The following GADL1 variants were observed in gnomAD, a reference collection of about 807,000 sequenced individuals.
GADL1 encodes the protein acidic amino acid decarboxylase GADL1.
In GADL1, 71 loss-of-function variants were observed where a neutral mutation model predicts 69.5. That is an observed-to-expected ratio of 1.02 (90% CI 0.84 to 1.25). The LOEUF is 1.25. Ranked by LOEUF, GADL1 falls within the 50% of genes most tolerant of loss-of-function variation. The pLI is 0.00. For synonymous variants in GADL1, 254 were observed against 214.4 expected, an observed-to-expected ratio of 1.18 and a Z score of -1.62; for missense variants, 737 against 631.8, an observed-to-expected ratio of 1.17 and a Z score of -1.79.
chr3:30,870,628 G>A (rs1206363942), intron 1 of GADL1, among the ~76,000 whole-genome samples: 4 of 151,570 alleles, frequency 2.6e-5, no homozygotes, highest in Admixed American at 2.6e-4. Context: ...AAAGACAGAT[G>A]TGGAAATAGG....
chr3:30,845,213 TAA>T (rs947439812), intron 6 of GADL1, among the ~76,000 whole-genome samples: 6 of 152,150 alleles, frequency 3.9e-5, no homozygotes, highest in African/African-American at 1.4e-4. Flanking sequence ...AATATGGAAT[TAA>T]GTCTGGTCTA....
At chr3:30,877,571 G>T (rs908889972) in intron 1 of GADL1, among the ~76,000 whole-genome samples, 1 of 151,654 alleles carries the variant, frequency 6.6e-6, no homozygotes, top group African/African-American at 2.4e-5. Flanking sequence ...ACATTGCTTG[G>T]GTATATTTTT....
intron 12 of GADL1, among the ~76,000 whole-genome samples, chr3:30,794,223 G>C (rs1284266997): frequency 6.6e-6 from 1 of 152,180 alleles, no homozygotes; most frequent in African/African-American, 2.4e-5. Context: ...TGCAGAGATT[G>C]TGTGTCAAGG....
intron 12 of GADL1, chr3:30,798,608 G>GC (rs1459954791): frequency 6.6e-6 from 1 of 152,064 alleles, no homozygotes; most frequent in African/African-American, 2.4e-5. Context: ...TCTGCCCCTT[G>GC]CCCCTCCAAA....
At chr3:30,806,554 A>G (rs959650593) in intron 11 of GADL1, among the ~76,000 whole-genome samples, 5 of 152,198 alleles carry the variant, frequency 3.3e-5, no homozygotes, top group African/African-American at 1.2e-4. Flanking sequence ...ATGTAATGGT[A>G]AATAAAAAAG....
chr3:30,757,433 G>A (rs1024927916), intron 14 of GADL1, among the ~76,000 whole-genome samples: 3 of 152,008 alleles, frequency 2.0e-5, no homozygotes, highest in Non-Finnish European at 4.4e-5. Context: ...CATGGAAAGT[G>A]AAAAGAATTA....
chr3:30,787,324 A>G (rs1236880936), intron 12 of GADL1, among the ~76,000 whole-genome samples: 1 of 152,200 alleles, frequency 6.6e-6, no homozygotes, highest in Non-Finnish European at 1.5e-5. Context: ...TAGATGAAAT[A>G]TGGAATATGA....
rs116723228 is a variant in GADL1, at chr3:30,731,164, A to G, written c.1393-2749T>C. On this transcript the variant is annotated intron_variant, in intron 14 of 14. Coordinates refer to ENST00000282538, the MANE Select transcript of GADL1 (RefSeq NM_207359.3). ...AAGGGCCACAGACTATCAGTTTTAGAGCTTACAGCTTGCGGTTCTGTGGTT... is the reference window on the plus strand; with the variant it reads ...AAGGGCCACAGACTATCAGTTTTAGGGCTTACAGCTTGCGGTTCTGTGGTT... 4.5e-3 allele frequency among the ~76,000 whole-genome samples: 683 copies of G among 152,324 alleles called. 8 individuals carry two copies. The highest frequency in any genetic ancestry group is 0.016 in the African/African-American group (657 of 41,574).
intron 14 of GADL1, among the ~76,000 whole-genome samples, chr3:30,765,731 A>G (rs1354061425): frequency 1.3e-5 from 2 of 152,218 alleles, no homozygotes; most frequent in Non-Finnish European, 2.9e-5. Flanking sequence ...TTGAAACTCA[A>G]ATATGACCCT....
chr3:30,882,469 G>A (rs1698656204), intron 1 of GADL1, among the ~76,000 whole-genome samples: 1 of 151,886 alleles, frequency 6.6e-6, no homozygotes, highest in African/African-American at 2.4e-5. Flanking sequence ...TCTGCATAAT[G>A]TGATGAAGGT....
intron 1 of GADL1, among the ~76,000 whole-genome samples, chr3:30,862,601 A>G (rs576763471): frequency 6.6e-6 from 1 of 152,144 alleles, no homozygotes; most frequent in South Asian, 2.1e-4. Context: ...CTCAAGGAAG[A>G]GATAATGCAT....
At chr3:30,755,688 G>A (rs1006824488) in intron 14 of GADL1, among the ~76,000 whole-genome samples, 2 of 152,130 alleles carry the variant, frequency 1.3e-5, no homozygotes, top group African/African-American at 4.8e-5. Flanking sequence ...TCAGGTCTGG[G>A]AGTCCTCCTT....
intron 14 of GADL1, among the ~76,000 whole-genome samples, chr3:30,753,067 C>G (rs541243449): frequency 4.7e-4 from 72 of 152,250 alleles, no homozygotes; most frequent in African/African-American, 1.6e-3. Context: ...TCTTTAAAAT[C>G]AAAATGCTGT....
chr3:30,855,082 C>A (rs1469024923), intron 3 of GADL1, among the ~76,000 whole-genome samples: 1 of 152,044 alleles, frequency 6.6e-6, no homozygotes, highest in Non-Finnish European at 1.5e-5. Context: ...TCCATATGCA[C>A]AGCTACGTAC....
At chr3:30,772,417 CA>C (rs1271511204) in intron 14 of GADL1, among the ~76,000 whole-genome samples, 1 of 152,054 alleles carries the variant, frequency 6.6e-6, no homozygotes, top group African/African-American at 2.4e-5. Flanking sequence ...AATGATGGGG[CA>C]AAACAAACTA....
At chr3:30,838,184 C>G (rs1044587118) in intron 9 of GADL1, among the ~76,000 whole-genome samples, 4 of 152,086 alleles carry the variant, frequency 2.6e-5, no homozygotes, top group Non-Finnish European at 5.9e-5. Flanking sequence ...GCTCCCAAAA[C>G]ACCATGTGCA....
At chr3:30,867,164 C>T (rs111526798) in intron 1 of GADL1, among the ~76,000 whole-genome samples, 2 of 151,790 alleles carry the variant, frequency 1.3e-5, no homozygotes, top group Admixed American at 6.6e-5. Context: ...ATTCAGAATC[C>T]GGATTCCTAC....
chr3:30,829,755 T>A (rs574735880), intron 11 of GADL1, among the ~76,000 whole-genome samples: 26 of 152,034 alleles, frequency 1.7e-4, no homozygotes, highest in African/African-American at 5.8e-4. Flanking sequence ...TTTTAGTGAA[T>A]ACTTGCTAGG....
intron 14 of GADL1, among the ~76,000 whole-genome samples, chr3:30,749,115 CT>C (rs1270625931): frequency 1.3e-5 from 2 of 152,224 alleles, no homozygotes; most frequent in African/African-American, 2.4e-5. Context: ...TGATTGGAAT[CT>C]TGCTTTGTGT....
Sources: gnomAD v4.1 joint callset for allele counts (sites outside exome capture counted in the v4.1 genomes callset) on GRCh38, gnomAD v4.1.1 for gene constraint, MANE v1.5 for transcripts, NCBI Gene and HGNC (gene_info 2026-07-23, HGNC 2026-07-21) for gene names.